Variants in CDH12 observed in about 807,000 individuals in gnomAD.
CDH12 encodes cadherin 12, also known as cadherin-12.
CDH12 carries 41 observed loss-of-function variants against 74.1 expected under a neutral mutation model. The ratio of observed to expected loss-of-function variants is 0.55; its 90% CI spans 0.43 to 0.72. CDH12 has a LOEUF of 0.72. Ranked by LOEUF, CDH12 falls within the 30% of genes least tolerant of loss-of-function variation. CDH12 has a pLI of 0.00. For missense variants in CDH12, 945 were observed against 977.2 expected (o/e 0.97, Z 0.44); for synonymous variants, 399 against 355.0 (o/e 1.12, Z -1.39).
intron 4 of CDH12, among the ~76,000 whole-genome samples, chr5:22,164,245 T>C (rs959471804): frequency 2.6e-5 from 4 of 152,130 alleles, no homozygotes; most frequent in African/African-American, 4.8e-5. Flanking sequence ...AGGAATGGAA[T>C]CTTGGGCCAT....
At chr5:21,829,033 T>C (rs975636512) in intron 8 of CDH12, among the ~76,000 whole-genome samples, 10 of 151,974 alleles carry the variant, frequency 6.6e-5, no homozygotes, top group African/African-American at 2.4e-4. Context: ...CAGTGGCTCA[T>C]GCCTGTAATC....
chr5:22,173,333 TATATA>T (rs1749146334), intron 4 of CDH12, among the ~76,000 whole-genome samples: 1 of 146,832 alleles, frequency 6.8e-6, no homozygotes, highest in African/African-American at 2.5e-5. Flanking sequence ...TAATATAATT[TATATA>T]ATATAATTTA....
At chr5:22,643,322 C>A (rs1326860037) in intron 1 of CDH12, among the ~76,000 whole-genome samples, 2 of 152,114 alleles carry the variant, frequency 1.3e-5, no homozygotes, top group South Asian at 2.1e-4. Context: ...TAGGTCCCAA[C>A]TGAGCTCCTG....
chr5:21,845,038 A>AGATT (rs2149990218), intron 7 of CDH12, among the ~76,000 whole-genome samples: 1 of 144,014 alleles, frequency 6.9e-6, no homozygotes, highest in Non-Finnish European at 1.5e-5. Flanking sequence ...TAGATAGATT[A>AGATT]GATTAGATGA....
chr5:22,498,683 C>T (rs1747204846), intron 2 of CDH12, among the ~76,000 whole-genome samples: 1 of 151,468 alleles, frequency 6.6e-6, no homozygotes, highest in Non-Finnish European at 1.5e-5. Context: ...TCTAGTCTGC[C>T]AATGTTTAAG....
intron 1 of CDH12, among the ~76,000 whole-genome samples, chr5:22,675,331 G>A (rs971749378): frequency 6.6e-6 from 1 of 152,172 alleles, no homozygotes; most frequent in African/African-American, 2.4e-5. Context: ...GCTTCCAAGT[G>A]GTGTTGAGCC....
chr5:22,531,567 TA>T (rs1239970844), intron 1 of CDH12, among the ~76,000 whole-genome samples: 3 of 152,148 alleles, frequency 2.0e-5, no homozygotes, highest in Non-Finnish European at 4.4e-5. Context: ...GCTATCTCCT[TA>T]AACTTAGAAT....
At chr5:22,082,928 A>G (rs1742837219) in intron 4 of CDH12, among the ~76,000 whole-genome samples, 1 of 152,154 alleles carries the variant, frequency 6.6e-6, no homozygotes, top group African/African-American at 2.4e-5. Flanking sequence ...CTTTACTTGT[A>G]TCCATGTTAT....
chr5:22,544,745 A>G (rs1738243674), intron 1 of CDH12, among the ~76,000 whole-genome samples: 1 of 152,060 alleles, frequency 6.6e-6, no homozygotes, highest in East Asian at 1.9e-4. Context: ...TGAGCCTAGG[A>G]AGGACAGATT....
At chr5:22,285,267 G>C (rs532735156) in intron 3 of CDH12, among the ~76,000 whole-genome samples, 5 of 152,014 alleles carry the variant, frequency 3.3e-5, no homozygotes, top group African/African-American at 9.6e-5. Context: ...AATAAATCTT[G>C]AGTCATGGTT....
intron 4 of CDH12, among the ~76,000 whole-genome samples, chr5:22,138,623 A>ACATCAGGTG (rs909949685): frequency 1.3e-5 from 2 of 150,532 alleles, no homozygotes; most frequent in Non-Finnish European, 3.0e-5. Flanking sequence ...TAATTTTAAC[A>ACATCAGGTG]CATCAGGTGC....
chr5:21,850,897 C>G (rs990363311), intron 7 of CDH12, among the ~76,000 whole-genome samples: 22 of 150,958 alleles, frequency 1.5e-4, no homozygotes, highest in African/African-American at 5.3e-4. Context: ...TTATAAAGGA[C>G]GTATTTTTCA....
At chr5:21,868,549 A>G (rs571952502) in intron 6 of CDH12, among the ~76,000 whole-genome samples, 4 of 152,278 alleles carry the variant, frequency 2.6e-5, no homozygotes, top group Admixed American at 2.6e-4. Context: ...ATGTGTGCAG[A>G]CATTATTCTC....
intron 1 of CDH12, among the ~76,000 whole-genome samples, chr5:22,569,247 G>A (rs938367709): frequency 1.3e-5 from 2 of 152,286 alleles, no homozygotes; most frequent in Admixed American, 6.5e-5. Flanking sequence ...GAAGGGGGTG[G>A]ATCCATCATG....
intron 14 of CDH12, among the ~76,000 whole-genome samples, chr5:21,755,255 G>C (rs1223181802): frequency 6.6e-6 from 1 of 152,160 alleles, no homozygotes; most frequent in Non-Finnish European, 1.5e-5. Flanking sequence ...AGAAGTTGTT[G>C]TAAATGGATA....
At chr5:22,563,945 G>C (rs1739178178) in intron 1 of CDH12, among the ~76,000 whole-genome samples, 1 of 151,934 alleles carries the variant, frequency 6.6e-6, no homozygotes. Context: ...CTCCCACCAG[G>C]TCCCTCCCAC....
intron 3 of CDH12, among the ~76,000 whole-genome samples, chr5:22,351,453 C>A (rs940287121): frequency 6.6e-6 from 1 of 152,130 alleles, no homozygotes; most frequent in Non-Finnish European, 1.5e-5. Context: ...TGCTTTATTA[C>A]AATGCCTCAG....
At chr5:22,153,353 C>T (rs1466865061) in intron 4 of CDH12, among the ~76,000 whole-genome samples, 1 of 151,652 alleles carries the variant, frequency 6.6e-6, no homozygotes. Flanking sequence ...ACCCCCCTCC[C>T]ATCCCGTGTG....
chr5:22,577,141 G>C (rs996411760), intron 1 of CDH12, among the ~76,000 whole-genome samples: 3 of 152,128 alleles, frequency 2.0e-5, no homozygotes, highest in Non-Finnish European at 4.4e-5. Flanking sequence ...GGCTTGGGGA[G>C]TACCCAGGTC....
Sources: gnomAD v4.1 joint callset for allele counts (sites outside exome capture counted in the v4.1 genomes callset) on GRCh38, gnomAD v4.1.1 for gene constraint, MANE v1.5 for transcripts, NCBI Gene and HGNC (gene_info 2026-07-23, HGNC 2026-07-21) for gene names.